Variants in TNR observed in about 807,000 individuals in gnomAD.
The protein encoded by TNR is tenascin-R.
In TNR, 45 loss-of-function variants were observed where a neutral mutation model predicts 150.4. The ratio of observed to expected loss-of-function variants is 0.30; its 90% CI spans 0.24 to 0.38. The LOEUF (loss-of-function observed/expected upper bound fraction) is 0.38. TNR is among the 10% of genes least tolerant of loss of function. The probability of loss-of-function intolerance (pLI) is 1.00; values close to 1 mark genes in which losing one functional copy is unlikely to be tolerated. For synonymous variants in TNR, 687 were observed against 678.4 expected (o/e 1.01, Z -0.20); for missense variants, 1,544 against 1,759.1 (o/e 0.88, Z 2.19).
In TNR at chr1:175,574,877, G is replaced by C. The variant is rs75184780; in HGVS notation, c.-164-46508C>G. On this transcript the variant is annotated intron_variant, in intron 1 of 22. Transcript: ENST00000367674. ...GCATGAAGATAAAGGGTCAGAAAAA[G>C]TTGACTATCAGCCTATGTATTTACT... 9.1e-3 allele frequency among the ~76,000 whole-genome samples: 1,391 copies of C among 152,340 alleles called. 25 individuals are homozygous for C. The highest frequency in any genetic ancestry group is 0.031 in the African/African-American group (1,271 of 41,570).
intron 2 of TNR, among the ~76,000 whole-genome samples, chr1:175,430,795 T>C (rs915924549): frequency 1.1e-4 from 17 of 152,356 alleles, no homozygotes; most frequent in African/African-American, 3.6e-4. Context: ...AGATAAAACT[T>C]GTTTTGATCT....
intron 1 of TNR, among the ~76,000 whole-genome samples, chr1:175,716,680 T>A (rs1027812772): frequency 6.6e-6 from 1 of 152,196 alleles, no homozygotes; most frequent in African/African-American, 2.4e-5. Context: ...GGGAGTTTTA[T>A]AAAACACCAA....
intron 1 of TNR, among the ~76,000 whole-genome samples, chr1:175,609,124 G>A (rs924940560): frequency 6.6e-5 from 10 of 152,202 alleles, no homozygotes; most frequent in Non-Finnish European, 1.5e-4. Flanking sequence ...ACATCATGGA[G>A]CACTTTGCAG....
chr1:175,364,075 T>A (rs1651724767), intron 12 of TNR, among the ~76,000 whole-genome samples: 1 of 152,254 alleles, frequency 6.6e-6, no homozygotes. Context: ...GCTCTGTACC[T>A]GTTACCTATC....
At chr1:175,595,766 TA>T (rs1326317257) in intron 1 of TNR, among the ~76,000 whole-genome samples, 7 of 152,150 alleles carry the variant, frequency 4.6e-5, no homozygotes, top group Admixed American at 2.0e-4. Context: ...GTTAGCTAGT[TA>T]AAAAAATGAG....
chr1:175,632,728 A>G (rs1354401801), intron 1 of TNR, among the ~76,000 whole-genome samples: 2 of 152,148 alleles, frequency 1.3e-5, no homozygotes, highest in Non-Finnish European at 2.9e-5. Flanking sequence ...GCAAGGTCTT[A>G]TTGTGCCTAT....
intron 1 of TNR, among the ~76,000 whole-genome samples, chr1:175,581,359 G>A (rs1436691001): frequency 1.3e-5 from 2 of 152,140 alleles, no homozygotes; most frequent in Admixed American, 1.3e-4. Flanking sequence ...ATCCTTTCTT[G>A]GCATGTGGGC....
chr1:175,549,546 A>G (rs1278003444), intron 1 of TNR, among the ~76,000 whole-genome samples: 2 of 152,190 alleles, frequency 1.3e-5, no homozygotes, highest in African/African-American at 2.4e-5. Flanking sequence ...TGATGAGGTT[A>G]TGTTACATGA....
At chr1:175,461,787 T>C (rs1451434185) in intron 2 of TNR, among the ~76,000 whole-genome samples, 1 of 150,030 alleles carries the variant, frequency 6.7e-6, no homozygotes, top group Non-Finnish European at 1.5e-5. Flanking sequence ...ATTTCTAGAT[T>C]ATTTTGCTTT....
intron 1 of TNR, among the ~76,000 whole-genome samples, chr1:175,696,740 A>G (rs145703704): frequency 0.028 from 4,225 of 152,162 alleles, 192 homozygotes; most frequent in African/African-American, 0.096. Flanking sequence ...TTAGCCGGGT[A>G]TGGTGGCACA....
chr1:175,625,429 T>C (rs1217699618), intron 1 of TNR, among the ~76,000 whole-genome samples: 4 of 152,236 alleles, frequency 2.6e-5, no homozygotes, highest in African/African-American at 9.6e-5. Flanking sequence ...ACTGGGTCTG[T>C]TAGCAGCATC....
chr1:175,546,821 A>G (rs1333689148), intron 1 of TNR, among the ~76,000 whole-genome samples: 5 of 152,098 alleles, frequency 3.3e-5, no homozygotes, highest in Non-Finnish European at 7.4e-5. Context: ...AAGCAGGTGA[A>G]TTTCCCAAGA....
rs1571278029 is a variant in TNR at position 175,320,062 on chromosome 1, G to A, written c.*3295C>T. 6.6e-6 allele frequency: 1 copy of A among 152,298 alleles called. No homozygotes were observed. Among genetic ancestry groups the A allele is most frequent in the African/African-American group, 2.4e-5 (1 of 41,440 alleles). 9.4% of individuals were successfully genotyped at this position (152,298 alleles called of 1,614,324 possible). A position where few individuals can be genotyped will look rare whatever the true frequency, so the allele number is the denominator to read the frequency against. ...CAGTGAATCTATTGCAGTCATTGGT[G>A]GTGGTTTTGGTTTTGGGTATTAGTA... On this transcript the variant is annotated 3_prime_UTR_variant, in exon 23 of 23. Coordinates refer to ENST00000367674, the MANE Select transcript of TNR (RefSeq NM_003285.3).
intron 2 of TNR, among the ~76,000 whole-genome samples, chr1:175,500,491 G>A (rs557015459): frequency 6.6e-6 from 1 of 152,328 alleles, no homozygotes; most frequent in East Asian, 1.9e-4. Context: ...AACAAAGGAT[G>A]CTGGCAGGAG....
intron 2 of TNR, among the ~76,000 whole-genome samples, chr1:175,484,410 C>T (rs929748102): frequency 1.3e-5 from 2 of 152,044 alleles, no homozygotes; most frequent in African/African-American, 4.8e-5. Flanking sequence ...TTTACCTTGG[C>T]TTTCTTATTT....
intron 2 of TNR, among the ~76,000 whole-genome samples, chr1:175,523,884 A>G (rs1232748689): frequency 2.0e-5 from 3 of 152,142 alleles, no homozygotes; most frequent in East Asian, 1.9e-4. Context: ...TGAAGCCTCA[A>G]TACTCCTTGC....
intron 2 of TNR, among the ~76,000 whole-genome samples, chr1:175,428,784 T>G (rs1258356458): frequency 6.6e-6 from 1 of 152,208 alleles, no homozygotes; most frequent in Admixed American, 6.5e-5. Flanking sequence ...TTTACGTAAG[T>G]GGAAATGCTC....
Position 175,663,554 on chromosome 1 carries a change from G to T in TNR, c.-165+79672C>A, listed in dbSNP as rs75207420. On this transcript the variant is annotated intron_variant, in intron 1 of 22. Coordinates refer to ENST00000367674, the MANE Select transcript of TNR (RefSeq NM_003285.3). ...GACTCTAAGTTCACCATGAACCAAG[G>T]ATGTGATAGGATGAGAAAAAAAGCC... Among the ~76,000 whole-genome samples the T allele has an allele frequency of 6.7e-3, 1,025 of 152,286 alleles. 12 individuals are homozygous for T. The highest frequency in any genetic ancestry group is 0.024 in the African/African-American group (987 of 41,556).
chr1:175,350,427 G>T lies in TNR; in HGVS notation c.3382+3964C>A, dbSNP rs559812150. Among the ~76,000 whole-genome samples, 3 of 152,306 alleles carry T rather than the reference G, an allele frequency of 2.0e-5. No homozygotes were observed. The East Asian group carries it at 5.8e-4, about 29-fold the overall frequency. On this transcript the variant is annotated intron_variant, in intron 18 of 22. Coordinates refer to ENST00000367674, the MANE Select transcript of TNR (RefSeq NM_003285.3). Reference sequence around the variant, plus strand: ...TCAGACAATCATTTCACCAAGTCCTGGCTGCTCTGTGGGGAATATTTGTTT... The same window carrying T: ...TCAGACAATCATTTCACCAAGTCCTTGCTGCTCTGTGGGGAATATTTGTTT...
Sources: allele counts gnomAD v4.1 joint callset (sites outside exome capture counted in the v4.1 genomes callset), GRCh38; gene constraint gnomAD v4.1.1; transcripts MANE v1.5; gene names NCBI Gene and HGNC (gene_info 2026-07-23, HGNC 2026-07-21).